RGS20: variants seen among roughly 807,000 people sequenced by gnomAD.
RGS20 encodes regulator of G protein signaling 20.
RGS20 carries 30 observed loss-of-function variants against 33.6 expected under a neutral mutation model. The observed-to-expected ratio is 0.89, with a 90% CI of 0.67 to 1.21. The LOEUF (loss-of-function observed/expected upper bound fraction) is 1.21, where lower values mean the gene tolerates loss of function less well. Ranked by LOEUF, RGS20 falls within the 50% of genes most tolerant of loss-of-function variation. RGS20 has a pLI of 0.00. For synonymous variants in RGS20, 208 were observed against 197.9 expected, an observed-to-expected ratio of 1.05 and a Z score of -0.43; for missense variants, 472 against 502.4, an observed-to-expected ratio of 0.94 and a Z score of 0.58.
At chr8:53,914,903 T>C (rs1395121116) in intron 2 of RGS20, 1 of 152,208 alleles carries the variant, frequency 6.6e-6, no homozygotes, top group African/African-American at 2.4e-5. Context: ...CCAGCACTTC[T>C]GGGAGGCCAA....
At chr8:53,921,974 C>G (rs1813661512) in intron 2 of RGS20, among the ~76,000 whole-genome samples, 1 of 152,070 alleles carries the variant, frequency 6.6e-6, no homozygotes, top group Non-Finnish European at 1.5e-5. Flanking sequence ...ATGTATTCCA[C>G]TGATGCAGGT....
intron 2 of RGS20, among the ~76,000 whole-genome samples, chr8:53,888,957 C>T (rs1233270250): frequency 1.3e-5 from 2 of 152,190 alleles, no homozygotes; most frequent in Non-Finnish European, 2.9e-5. Flanking sequence ...CATTCCACTA[C>T]TGAAGAAATT....
At chr8:53,878,154 C>T (rs1260790119) in intron 1 of RGS20, among the ~76,000 whole-genome samples, 1 of 152,182 alleles carries the variant, frequency 6.6e-6, no homozygotes, top group Non-Finnish European at 1.5e-5. Flanking sequence ...TTTTCACAGA[C>T]AGATTAAATT....
intron 3 of RGS20, among the ~76,000 whole-genome samples, chr8:53,944,652 A>T (rs1563425602): frequency 6.6e-6 from 1 of 152,240 alleles, no homozygotes; most frequent in East Asian, 1.9e-4. Context: ...GAAGAGAATT[A>T]TAGCTATAAC....
Position 53,861,549 on chromosome 8 carries a change from G to T in RGS20, c.165+9485G>T, listed in dbSNP as rs527862804. Among the ~76,000 whole-genome samples, 203 of 152,284 alleles carry T rather than the reference G, an allele frequency of 1.3e-3. 1 individual carries two copies. The highest frequency in any genetic ancestry group is 6.8e-3 in the Middle Eastern group (2 of 294). ...ACTACCAATGTCACACTGCATTTCC[G>T]AATTCTGTAATAAATCTGCTGTCTC... On this transcript the variant is annotated intron_variant, in intron 1 of 5. Transcript: ENST00000297313.
intron 3 of RGS20, among the ~76,000 whole-genome samples, chr8:53,945,643 C>T (rs1441077775): frequency 6.6e-6 from 1 of 152,132 alleles, no homozygotes; most frequent in Non-Finnish European, 1.5e-5. Context: ...TGGCCGGGCA[C>T]GGTGGCTCAT....
Position 53,851,977 on chromosome 8 carries a change from GC to G in RGS20, c.82del (p.Leu28CysfsTer120). 1 of 1,614,172 alleles carries G rather than the reference GC, an allele frequency of 6.2e-7. No homozygotes were observed. Among genetic ancestry groups the G allele is most frequent in the South Asian group, 1.1e-5 (1 of 91,084 alleles). ...GGCCGTCTATATGGACACAGTTTCT[GC>G]CCCTGTTCAGGGCTCAGAGATATAA... On this transcript the variant is annotated frameshift_variant, in exon 1 of 6. Coordinates refer to ENST00000297313, the MANE Select transcript of RGS20 (RefSeq NM_170587.4). LOFTEE classifies it high-confidence loss of function.
intron 2 of RGS20, among the ~76,000 whole-genome samples, chr8:53,927,896 T>G (rs941162264): frequency 6.6e-6 from 1 of 152,238 alleles, no homozygotes; most frequent in Non-Finnish European, 1.5e-5. Flanking sequence ...TGATGGCATA[T>G]TTTTACAATC....
At chr8:53,871,233 G>A (rs1195160103) in intron 1 of RGS20, among the ~76,000 whole-genome samples, 2 of 151,258 alleles carry the variant, frequency 1.3e-5, no homozygotes, top group African/African-American at 4.9e-5. Context: ...GAAACTTGGA[G>A]GTATAATTCT....
At chr8:53,906,134 G>T (rs1813164502) in intron 2 of RGS20, among the ~76,000 whole-genome samples, 1 of 152,134 alleles carries the variant, frequency 6.6e-6, no homozygotes, top group Non-Finnish European at 1.5e-5. Flanking sequence ...AACTCACTCA[G>T]GCCAGGCGCG....
intron 3 of RGS20, among the ~76,000 whole-genome samples, chr8:53,940,213 A>G (rs970620990): frequency 6.6e-6 from 1 of 152,194 alleles, no homozygotes; most frequent in Admixed American, 6.5e-5. Context: ...ATATTAAAAT[A>G]TATGCTAACT....
chr8:53,954,689 C>CTTT (rs139245547), intron 5 of RGS20, among the ~76,000 whole-genome samples: 1 of 131,174 alleles, frequency 7.6e-6, no homozygotes, highest in African/African-American at 2.8e-5. Context: ...AAGTAATTGC[C>CTTT]TTTTTTTTTT....
intron 2 of RGS20, among the ~76,000 whole-genome samples, chr8:53,918,534 C>G (rs961178411): frequency 1.3e-5 from 2 of 151,908 alleles, no homozygotes; most frequent in African/African-American, 4.8e-5. Context: ...ACTACAGGTG[C>G]CCACCACCAC....
intron 2 of RGS20, among the ~76,000 whole-genome samples, chr8:53,885,072 G>A (rs1456872594): frequency 1.3e-5 from 2 of 152,160 alleles, no homozygotes; most frequent in African/African-American, 4.8e-5. Context: ...TTTAGAAAAC[G>A]CCTTCAAAAT....
intron 2 of RGS20, among the ~76,000 whole-genome samples, chr8:53,889,412 CTTT>C (rs34316630): frequency 2.9e-4 from 12 of 41,818 alleles, no homozygotes; most frequent in East Asian, 5.9e-4. Flanking sequence ...CTCTCTCTCT[CTTT>C]TTTTTTTTTT....
intron 2 of RGS20, among the ~76,000 whole-genome samples, chr8:53,917,211 G>A (rs184507093): frequency 2.6e-5 from 4 of 152,194 alleles, no homozygotes; most frequent in South Asian, 2.1e-4. Flanking sequence ...GCAGTGGTGC[G>A]ATCTCAGCTC....
chr8:53,915,189 G>A (rs1051218168), intron 2 of RGS20, among the ~76,000 whole-genome samples: 1 of 151,188 alleles, frequency 6.6e-6, no homozygotes, highest in Non-Finnish European at 1.5e-5. Context: ...AAACTTTAGT[G>A]CCCTCCATTT....
In RGS20 at chr8:53,877,174, C is replaced by CT. The variant is rs1443149830; in HGVS notation, c.166-2078dup. Among the ~76,000 whole-genome samples, 5 of 152,190 alleles carry CT rather than the reference C, an allele frequency of 3.3e-5. No individual in the cohort carries two copies. The East Asian group carries it at 7.7e-4, about 23-fold the overall frequency. On this transcript the variant is annotated intron_variant, in intron 1 of 5. Transcript: ENST00000297313. The surrounding 1 kb of genome is among the most constrained non-coding windows in gnomAD (Gnocchi z 5.7). ...GGGCGCTCTCTTTCAGCATTTTCGGCTTTTTTCAAGCCCTTGCGTAGGGTC... is the reference window on the plus strand; with the variant it reads ...GGGCGCTCTCTTTCAGCATTTTCGGCTTTTTTTCAAGCCCTTGCGTAGGGTC...
At chr8:53,915,345 A>C (rs1813454662) in intron 2 of RGS20, among the ~76,000 whole-genome samples, 1 of 152,012 alleles carries the variant, frequency 6.6e-6, no homozygotes, top group Non-Finnish European at 1.5e-5. Context: ...CTGAAGACAG[A>C]GGTGGTATTG....
Sources: allele counts gnomAD v4.1 joint callset (sites outside exome capture counted in the v4.1 genomes callset), GRCh38; gene constraint gnomAD v4.1.1; non-coding constraint Gnocchi (gnomAD v3.1); transcripts MANE v1.5; gene names NCBI Gene and HGNC (gene_info 2026-07-23, HGNC 2026-07-21).